LONP2: variants seen among roughly 807,000 people sequenced by gnomAD.
LONP2 encodes lon peptidase 2, peroxisomal.
A neutral mutation model predicts 85.6 loss-of-function variants in LONP2; 60 were observed. That is an observed-to-expected ratio of 0.70 (90% CI 0.57 to 0.87). The LOEUF (loss-of-function observed/expected upper bound fraction) is 0.87. Among genes scored for constraint, LONP2 ranks in the 40% least tolerant of loss-of-function variants. The pLI, the probability that LONP2 is intolerant of heterozygous loss-of-function variation, is 0.00. For missense variants in LONP2, 860 were observed against 1,063.5 expected, an observed-to-expected ratio of 0.81 and a Z score of 2.66; for synonymous variants, 395 against 389.7, an observed-to-expected ratio of 1.01 and a Z score of -0.16.
chr16:48,244,595 C>A lies in LONP2; in HGVS notation c.207C>A (p.Asp69Glu). ...CCAACACGCCTGACCCCGCCAGCGA[C>A]GCGCAGGACCTGCCGCCGCTGCACA... ...VIPNTPDPAS[D>E]AQDLPPLHRI... Residue 69 changes from aspartate to glutamate, a missense_variant, in exon 1 of 15, where the codon GAC becomes GAA. Physicochemically the swap from Asp to Glu is conservative, Grantham distance 45. This residue lies in a region of LONP2 where 743 missense variants were observed against 917.3 expected (regional missense o/e 0.81). Transcript: ENST00000285737. 1.3e-6 allele frequency: 2 copies of A among 1,485,154 alleles called. No homozygotes were observed. The highest frequency in any genetic ancestry group is 2.3e-5 in the Admixed American group (1 of 43,224). 92.0% of individuals were successfully genotyped at this position (1,485,154 alleles called of 1,614,324 possible). A position where few individuals can be genotyped will look rare whatever the true frequency, so the allele number is the denominator to read the frequency against.
At chr16:48,297,171 G>A (rs1438293284) in intron 9 of LONP2, among the ~76,000 whole-genome samples, 1 of 151,932 alleles carries the variant, frequency 6.6e-6, no homozygotes, top group Non-Finnish European at 1.5e-5. Context: ...CCACGCCCAG[G>A]TAATTTTTGT....
intron 6 of LONP2, among the ~76,000 whole-genome samples, chr16:48,268,733 T>C (rs908959818): frequency 6.6e-6 from 1 of 152,176 alleles, no homozygotes; most frequent in African/African-American, 2.4e-5. Flanking sequence ...ATTTTAGTTG[T>C]TCTTCTCCTA....
chr16:48,282,160 G>A (rs1473904929), intron 8 of LONP2, among the ~76,000 whole-genome samples: 1 of 151,998 alleles, frequency 6.6e-6, no homozygotes, highest in African/African-American at 2.4e-5. Context: ...TGTAATCCTA[G>A]CACTTTGGGA....
chr16:48,350,603 C>G (rs1960113068), intron 14 of LONP2, among the ~76,000 whole-genome samples: 1 of 152,192 alleles, frequency 6.6e-6, no homozygotes, highest in African/African-American at 2.4e-5. Flanking sequence ...GCGGGAAGGC[C>G]TGGAGCAGCC....
At chr16:48,311,623 A>T (rs1464848422) in intron 11 of LONP2, among the ~76,000 whole-genome samples, 1 of 151,588 alleles carries the variant, frequency 6.6e-6, no homozygotes, top group Non-Finnish European at 1.5e-5. Context: ...TTGTTGAGCT[A>T]CTTTTTTTCT....
rs141651056 is a variant in LONP2 at position 48,342,707 on chromosome 16, A to G, written c.1939-4800A>G. On this transcript the variant is annotated intron_variant, in intron 12 of 14. Transcript: ENST00000285737. Reference sequence around the variant, plus strand: ...CTGAATGCTACTGAAACAAATCTACAACTAGAAAAATCAAATATTCATGAA... The same window carrying G: ...CTGAATGCTACTGAAACAAATCTACGACTAGAAAAATCAAATATTCATGAA... Among the ~76,000 whole-genome samples the G allele has an allele frequency of 5.9e-5, 9 of 152,342 alleles. No homozygotes were observed. The East Asian group carries it at 1.3e-3, about 23-fold the overall frequency.
intron 11 of LONP2, among the ~76,000 whole-genome samples, chr16:48,331,642 G>A (rs28644283): frequency 0.024 from 3,597 of 150,264 alleles, 135 homozygotes; most frequent in African/African-American, 0.082. Context: ...TCCGCTCACT[G>A]CAAGCTCTGC....
intron 11 of LONP2, among the ~76,000 whole-genome samples, chr16:48,329,095 G>C (rs1295152457): frequency 6.6e-6 from 1 of 152,032 alleles, no homozygotes; most frequent in African/African-American, 2.4e-5. Context: ...TCATAACTCA[G>C]GGCATAACTC....
intron 2 of LONP2, among the ~76,000 whole-genome samples, chr16:48,253,871 G>A (rs756532431): frequency 7.2e-5 from 11 of 152,076 alleles, no homozygotes; most frequent in Non-Finnish European, 1.5e-4. Flanking sequence ...TCAATTATAT[G>A]TTTTGTTTTT....
At chr16:48,292,427 G>A (rs907108111) in intron 8 of LONP2, among the ~76,000 whole-genome samples, 1 of 152,096 alleles carries the variant, frequency 6.6e-6, no homozygotes, top group Non-Finnish European at 1.5e-5. Flanking sequence ...TTTGTGTGAC[G>A]CAGTTCCCAG....
chr16:48,284,478 C>T (rs911555557), intron 8 of LONP2, among the ~76,000 whole-genome samples: 7 of 152,138 alleles, frequency 4.6e-5, no homozygotes, highest in African/African-American at 1.7e-4. Context: ...CTTTCAGCAG[C>T]CACCACCTGA....
At chr16:48,325,788 G>A (rs1973356788) in intron 11 of LONP2, among the ~76,000 whole-genome samples, 2 of 152,174 alleles carry the variant, frequency 1.3e-5, no homozygotes, top group South Asian at 4.1e-4. Context: ...GGGATTGCTG[G>A]ATCATATGAT....
intron 11 of LONP2, among the ~76,000 whole-genome samples, chr16:48,306,017 T>C (rs915933013): frequency 7.9e-5 from 12 of 151,784 alleles, no homozygotes; most frequent in African/African-American, 1.5e-4. Context: ...ACAGTGACAG[T>C]GGAGAACTGA....
rs1960332872 is a variant in LONP2, at chr16:48,355,948, A to T, written c.*4146A>T. 6.6e-6 allele frequency: 1 copy of T among 151,922 alleles called. No homozygotes were observed. The highest frequency in any genetic ancestry group is 2.1e-4 in the South Asian group (1 of 4,826). 9.4% of individuals were successfully genotyped at this position (151,922 alleles called of 1,614,324 possible). On this transcript the variant is annotated 3_prime_UTR_variant, in exon 15 of 15. Coordinates refer to ENST00000285737, the MANE Select transcript of LONP2 (RefSeq NM_031490.5). The stretch of plus-strand genomic sequence containing the variant: ...CTCAAGTATTAAAACTAAAAGCTTT[A>T]GGTGCTTTGCTTATCAAGAAATCCT...
intron 6 of LONP2, among the ~76,000 whole-genome samples, chr16:48,266,270 G>T (rs189783055): frequency 6.6e-6 from 1 of 151,750 alleles, no homozygotes; most frequent in East Asian, 1.9e-4. Context: ...CTCCCAAAGT[G>T]CTGGGATTAC....
intron 4 of LONP2, 133 bp downstream of exon 4, chr16:48,258,873 T>C: frequency 1.3e-6 from 1 of 799,118 alleles, no homozygotes; most frequent in Non-Finnish European, 1.8e-6. Flanking sequence ...CCTCTCATCC[T>C]TTTCTTTGCC....
chr16:48,262,029 G>A (rs1971889840), intron 5 of LONP2, among the ~76,000 whole-genome samples: 1 of 152,044 alleles, frequency 6.6e-6, no homozygotes, highest in African/African-American at 2.4e-5. Flanking sequence ...TTTTATTAGT[G>A]AATTGTAGTG....
intron 7 of LONP2, 114 bp from the exon 8 acceptor site, chr16:48,277,224 A>G (rs1383487616): frequency 2.1e-6 from 2 of 961,538 alleles, no homozygotes; most frequent in Non-Finnish European, 3.1e-6. Flanking sequence ...CCTCTTTGCT[A>G]TATTATAGTG....
chr16:48,347,879 G>T (rs926817149), intron 13 of LONP2, among the ~76,000 whole-genome samples, 165 bp downstream of exon 13: 2 of 152,224 alleles, frequency 1.3e-5, no homozygotes, highest in African/African-American at 4.8e-5. Context: ...TTTGACTAGT[G>T]CCTGAACTAG....
Sources: gnomAD v4.1 joint callset for allele counts (sites outside exome capture counted in the v4.1 genomes callset) on GRCh38, gnomAD v4.1.1 for gene constraint, gnomAD v4.1.1 regional missense constraint, MANE v1.5 for transcripts, NCBI Gene and HGNC (gene_info 2026-07-23, HGNC 2026-07-21) for gene names.